QTGAL: variants seen among roughly 807,000 people sequenced by gnomAD.
QTGAL encodes BGnT-like protein 1.
chr17:83,007,376 G>A, the QTGAL span: 10 of 644,150 alleles, frequency 1.6e-5, no homozygotes, highest in East Asian at 1.4e-4. Context: ...ATCTACCTAC[G>A]TACAATTGCA....
At chr17:82,958,875 G>A in the QTGAL span, among the ~76,000 whole-genome samples, 2 of 74,244 alleles carry the variant, frequency 2.7e-5, no homozygotes, top group African/African-American at 1.2e-4. Context: ...GTGTGTGTGT[G>A]TACACTGGGG....
chr17:82,994,412 G>C, the QTGAL span, among the ~76,000 whole-genome samples: 1 of 151,678 alleles, frequency 6.6e-6, no homozygotes, highest in African/African-American at 2.4e-5. Context: ...AGAAAAATTA[G>C]AAATAAATCT....
the QTGAL span, among the ~76,000 whole-genome samples, chr17:82,962,471 G>A: frequency 6.6e-6 from 1 of 150,834 alleles, no homozygotes; most frequent in African/African-American, 2.4e-5. Context: ...GGAGGGTCCC[G>A]CGGGTGCTGG....
chr17:83,045,751 T>C, the QTGAL span, among the ~76,000 whole-genome samples: 1 of 152,126 alleles, frequency 6.6e-6, no homozygotes, highest in Non-Finnish European at 1.5e-5. Context: ...CACATACAGC[T>C]CAATTTTTAA....
At chr17:83,018,928 G>A in the QTGAL span, among the ~76,000 whole-genome samples, 1 of 152,202 alleles carries the variant, frequency 6.6e-6, no homozygotes, top group East Asian at 1.9e-4. Flanking sequence ...GGAATCGAGG[G>A]GCGGACATGG....
At chr17:83,005,460 G>A in the QTGAL span, 39 of 635,134 alleles carry the variant, frequency 6.1e-5, no homozygotes, top group Middle Eastern at 2.6e-4. The surrounding 1 kb of genome is among the most constrained non-coding windows in gnomAD (Gnocchi z 5.6). Context: ...CATCTCGGCG[G>A]TGAACCACAG....
At chr17:83,010,166 C>T in the QTGAL span, among the ~76,000 whole-genome samples, 2 of 151,928 alleles carry the variant, frequency 1.3e-5, no homozygotes, top group Non-Finnish European at 1.5e-5. Flanking sequence ...CTGGGGAGCT[C>T]GTTCAACCAC....
the QTGAL span, among the ~76,000 whole-genome samples, chr17:82,964,030 G>GGA: frequency 7.4e-6 from 1 of 134,612 alleles, no homozygotes; most frequent in African/African-American, 2.9e-5. Context: ...GCTGAGGTCG[G>GGA]GGGGGTGGAT....
At chr17:83,017,890 G>A in the QTGAL span, among the ~76,000 whole-genome samples, 11 of 150,470 alleles carry the variant, frequency 7.3e-5, no homozygotes, top group Non-Finnish European at 1.0e-4. Flanking sequence ...CAAACACGAC[G>A]TGCCTGCATC....
chr17:83,032,190 C>T, the QTGAL span, among the ~76,000 whole-genome samples: 2 of 66,572 alleles, frequency 3.0e-5, no homozygotes, highest in Non-Finnish European at 5.6e-5. Flanking sequence ...AGCTGAACAA[C>T]GGGTCAGACC....
chr17:82,945,090 T>C, the QTGAL span: 1 of 152,038 alleles, frequency 6.6e-6, no homozygotes, highest in African/African-American at 2.4e-5. Context: ...GGCTATAATA[T>C]GAGTACATTT....
At chr17:82,979,773 A>G in the QTGAL span, among the ~76,000 whole-genome samples, 3 of 152,268 alleles carry the variant, frequency 2.0e-5, no homozygotes, top group South Asian at 2.1e-4. Context: ...AAATTTATAT[A>G]CAGAGGCAGA....
chr17:82,970,914 G>A, the QTGAL span, among the ~76,000 whole-genome samples: 22 of 152,214 alleles, frequency 1.4e-4, no homozygotes, highest in African/African-American at 4.1e-4. Flanking sequence ...GCTTTAACCC[G>A]GGTGGAGAGC....
At chr17:83,000,756 C>T in the QTGAL span, among the ~76,000 whole-genome samples, 122,693 of 152,170 alleles carry the variant, frequency 0.81, 49,661 homozygotes, top group African/African-American at 0.88. Flanking sequence ...CCCAAGTGTA[C>T]GTAGGCTGTG....
At chr17:82,977,081 C>G in the QTGAL span, among the ~76,000 whole-genome samples, 1 of 152,256 alleles carries the variant, frequency 6.6e-6, no homozygotes, top group East Asian at 1.9e-4. Flanking sequence ...TCGAAGGCCA[C>G]GGCAGGGGAG....
At chr17:82,986,384 G>C in the QTGAL span, among the ~76,000 whole-genome samples, 1 of 152,232 alleles carries the variant, frequency 6.6e-6, no homozygotes, top group Admixed American at 6.5e-5. Flanking sequence ...TGTTGGGAGA[G>C]GACAGGCTAT....
the QTGAL span, chr17:83,005,012 C>G: frequency 2.2e-6 from 2 of 912,422 alleles, no homozygotes; most frequent in African/African-American, 1.7e-5. This position sits in a 1 kb window ranked among gnomAD's most constrained non-coding sequence, Gnocchi z 5.6. Context: ...AGAAGGACCA[C>G]GGCCCACGAC....
At chr17:82,954,301 G>A in the QTGAL span, among the ~76,000 whole-genome samples, 76 of 152,222 alleles carry the variant, frequency 5.0e-4, no homozygotes, top group Admixed American at 1.5e-3. Flanking sequence ...CAAAGTCTCA[G>A]GATACAAAAT....
the QTGAL span, among the ~76,000 whole-genome samples, chr17:82,977,152 A>C: frequency 2.0e-5 from 3 of 152,268 alleles, no homozygotes; most frequent in African/African-American, 7.2e-5. Flanking sequence ...AACACTGGGA[A>C]ACGTATTCTC....
Sources: allele counts gnomAD v4.1 joint callset (sites outside exome capture counted in the v4.1 genomes callset), GRCh38; gene constraint gnomAD v4.1.1; non-coding constraint Gnocchi (gnomAD v3.1); transcripts MANE v1.5; gene names NCBI Gene and HGNC (gene_info 2026-07-23, HGNC 2026-07-21).